The following PCLO variants were observed in gnomAD, a reference collection of about 807,000 sequenced individuals.
The protein encoded by PCLO is piccolo presynaptic cytomatrix protein, also known as protein piccolo.
A neutral mutation model predicts 427.5 loss-of-function variants in PCLO; 82 were observed. The observed-to-expected ratio is 0.19, with a 90% CI of 0.16 to 0.23. The LOEUF (loss-of-function observed/expected upper bound fraction) is 0.23. Among genes scored for constraint, PCLO ranks in the 10% least tolerant of loss-of-function variants. PCLO has a pLI of 1.00. For synonymous variants in PCLO, 2,357 were observed against 2,155.4 expected (o/e 1.09, Z -2.59); for missense variants, 6,239 against 6,115.9 (o/e 1.02, Z -0.67).
intron 3 of PCLO, among the ~76,000 whole-genome samples, chr7:83,029,068 A>T (rs542292327): frequency 6.6e-6 from 1 of 152,270 alleles, no homozygotes; most frequent in African/African-American, 2.4e-5. Context: ...CATGTCTAAA[A>T]CACCAAAAGC....
intron 3 of PCLO, among the ~76,000 whole-genome samples, chr7:83,083,465 A>G (rs1165420741): frequency 1.3e-5 from 2 of 151,986 alleles, no homozygotes; most frequent in African/African-American, 4.8e-5. Context: ...TTGAGTAAAA[A>G]ATTAAATACT....
At chr7:82,774,230 C>T (rs1790703201) in intron 22 of PCLO, among the ~76,000 whole-genome samples, 8 of 152,170 alleles carry the variant, frequency 5.3e-5, no homozygotes, top group Admixed American at 5.2e-4. Context: ...GTAAGAGCCA[C>T]TATTGCATAT....
chr7:82,866,207 C>T (rs1793088462), intron 10 of PCLO, among the ~76,000 whole-genome samples: 2 of 152,082 alleles, frequency 1.3e-5, no homozygotes, highest in Non-Finnish European at 2.9e-5. Flanking sequence ...TGAATTTTTG[C>T]CTACTTGCCA....
chr7:82,770,533 T>C (rs985331035), intron 22 of PCLO, among the ~76,000 whole-genome samples: 4 of 151,870 alleles, frequency 2.6e-5, no homozygotes, highest in African/African-American at 9.7e-5. Context: ...ATTCAGTAGA[T>C]TTTAATAGAA....
chr7:83,122,286 C>CTTTTTTTTTTTT (rs71074624), intron 3 of PCLO, among the ~76,000 whole-genome samples: 10 of 128,284 alleles, frequency 7.8e-5, no homozygotes, highest in Non-Finnish European at 1.5e-4. Context: ...CTTTTCTTTT[C>CTTTTTTTTTTTT]TTTTTTTTTT....
chr7:83,081,166 G>T (rs769472730), intron 3 of PCLO, among the ~76,000 whole-genome samples: 2 of 151,934 alleles, frequency 1.3e-5, no homozygotes, highest in Non-Finnish European at 2.9e-5. Flanking sequence ...CCAACATTTT[G>T]TAATTTTGTG....
intron 3 of PCLO, among the ~76,000 whole-genome samples, chr7:83,050,244 C>A (rs1275371982): frequency 4.1e-3 from 80 of 19,420 alleles, no homozygotes; most frequent in Non-Finnish European, 5.8e-3. Flanking sequence ...AAAACACAAG[C>A]AAACAAAAAA....
At chr7:83,015,812 C>T (rs1788192532) in intron 3 of PCLO, among the ~76,000 whole-genome samples, 1 of 152,092 alleles carries the variant, frequency 6.6e-6, no homozygotes, top group Non-Finnish European at 1.5e-5. Flanking sequence ...CTTCCTACAA[C>T]ATTACACGTT....
At chr7:82,826,709 A>G (rs1009455301) in intron 17 of PCLO, 49 bp from the exon 18 acceptor site, 2 of 1,210,734 alleles carry the variant, frequency 1.7e-6, no homozygotes, top group Non-Finnish European at 1.2e-6. Flanking sequence ...TCCATCATAC[A>G]TTTTCATTAC....
At chr7:83,160,604 C>T (rs998867947) in intron 1 of PCLO, among the ~76,000 whole-genome samples, 3 of 152,040 alleles carry the variant, frequency 2.0e-5, no homozygotes, top group South Asian at 2.1e-4. Context: ...GGGCCATACA[C>T]TAACTATTGA....
At chr7:83,039,004 T>C (rs562552443) in intron 3 of PCLO, among the ~76,000 whole-genome samples, 1 of 152,196 alleles carries the variant, frequency 6.6e-6, no homozygotes, top group South Asian at 2.1e-4. Flanking sequence ...CATGCATTTA[T>C]TGGCCATTTG....
chr7:82,892,099 A>G (rs1261728802), intron 9 of PCLO, among the ~76,000 whole-genome samples: 1 of 152,126 alleles, frequency 6.6e-6, no homozygotes, highest in Non-Finnish European at 1.5e-5. Context: ...ATGGAACCAA[A>G]AAAGAGCCCG....
At chr7:83,148,515 T>A (rs1370468936) in intron 2 of PCLO, among the ~76,000 whole-genome samples, 2 of 152,106 alleles carry the variant, frequency 1.3e-5, no homozygotes, top group African/African-American at 2.4e-5. Context: ...AAGTAAATAC[T>A]TTTTTTTCTT....
chr7:82,967,197 CTTTTTTTT>C (rs766172385), intron 3 of PCLO, among the ~76,000 whole-genome samples: 7,519 of 133,186 alleles, frequency 0.056, 651 homozygotes, highest in African/African-American at 0.19. Flanking sequence ...TTCTTCTTTT[CTTTTTTTT>C]TTTTTTTTTG....
At chr7:83,097,980 ATTAT>A (rs1158606568) in intron 3 of PCLO, among the ~76,000 whole-genome samples, 3 of 152,154 alleles carry the variant, frequency 2.0e-5, no homozygotes, top group Non-Finnish European at 4.4e-5. Flanking sequence ...CTTGGATTAT[ATTAT>A]TTGTTAATAT....
rs367785097 is a variant in PCLO, at chr7:82,955,856, C to T, written c.5097G>A (p.Leu1699=). The T allele has an allele frequency of 5.0e-6, 8 of 1,613,860 alleles. No homozygotes were observed. Among genetic ancestry groups the T allele is most frequent in the Non-Finnish European group, 6.8e-6 (8 of 1,179,842 alleles). ...TSLYFDEEPE[L]EMESLTDSPE... ...GTGAGTCTGTCAGGCTTTCCATTTCCAATTCTGGCTCTTCGTCAAAATACA... is the reference window on the plus strand; with the variant it reads ...GTGAGTCTGTCAGGCTTTCCATTTCTAATTCTGGCTCTTCGTCAAAATACA... Residue 1699 remains leucine (L), a synonymous_variant, in exon 5 of 25, where the codon TTG becomes TTA. Coordinates refer to ENST00000333891, the MANE Select transcript of PCLO (RefSeq NM_033026.6).
chr7:83,051,162 C>A (rs1789244793), intron 3 of PCLO, among the ~76,000 whole-genome samples: 1 of 152,028 alleles, frequency 6.6e-6, no homozygotes, highest in African/African-American at 2.4e-5. Context: ...AATAAGGCAA[C>A]AATTTCACCT....
chr7:82,797,604 C>T (rs1791253958), intron 22 of PCLO, among the ~76,000 whole-genome samples: 1 of 152,132 alleles, frequency 6.6e-6, no homozygotes. Context: ...ACATATACTT[C>T]TAATTTAATA....
intron 10 of PCLO, among the ~76,000 whole-genome samples, chr7:82,858,186 C>G (rs575417114): frequency 5.9e-5 from 9 of 152,120 alleles, no homozygotes; most frequent in Non-Finnish European, 1.2e-4. Flanking sequence ...AATACACGTG[C>G]TACACATTAA....
Sources: allele counts gnomAD v4.1 joint callset (sites outside exome capture counted in the v4.1 genomes callset), GRCh38; gene constraint gnomAD v4.1.1; transcripts MANE v1.5; gene names NCBI Gene and HGNC (gene_info 2026-07-23, HGNC 2026-07-21).